The following NBPF20 variants were observed in gnomAD, a reference collection of about 807,000 sequenced individuals.
NBPF20 encodes NBPF member 20, also known as NBPF family member NBPF20.
NBPF20 carries 90 observed loss-of-function variants against 68.1 expected under a neutral mutation model. The ratio of observed to expected loss-of-function variants is 1.32; its 90% CI spans 1.11 to 1.58. The LOEUF (loss-of-function observed/expected upper bound fraction) is 1.58. Ranked by LOEUF, NBPF20 falls within the 40% of genes most tolerant of loss-of-function variation. The probability of loss-of-function intolerance (pLI) is 0.00; values close to 1 mark genes in which losing one functional copy is unlikely to be tolerated. For missense variants in NBPF20, 816 were observed against 601.2 expected (o/e 1.36, Z -3.74); for synonymous variants, 290 against 228.1 (o/e 1.27, Z -2.45).
At chr1:145,291,431 T>C (rs1332744828) in exon 138 of NBPF20, 1 of 1,610,080 alleles carries the variant, frequency 6.2e-7, no homozygotes, top group Non-Finnish European at 8.5e-7. Context: ...ATCCTATGTC[T>C]GGGCTTCCAA....
At chr1:145,404,357 C>G (rs1194094412) in intron 2 of NBPF20, among the ~76,000 whole-genome samples, 1 of 151,882 alleles carries the variant, frequency 6.6e-6, no homozygotes, top group Non-Finnish European at 1.5e-5. Context: ...CTGCTGGGTT[C>G]AAAGGATTCT....
intron 8 of NBPF20, among the ~76,000 whole-genome samples, chr1:145,394,758 CG>C (rs1289163301): frequency 6.6e-6 from 1 of 152,028 alleles, no homozygotes; most frequent in African/African-American, 2.4e-5. Context: ...CAGGTTGGCA[CG>C]GGCATGGCCT....
At chr1:145,396,651 C>T (rs1291469927) in intron 7 of NBPF20, among the ~76,000 whole-genome samples, 1 of 151,450 alleles carries the variant, frequency 6.6e-6, no homozygotes, top group Non-Finnish European at 1.5e-5. Flanking sequence ...AGCAGCAGAT[C>T]TCTTGGCACA....
intron 129 of NBPF20, among the ~76,000 whole-genome samples, chr1:145,298,442 A>T (rs1661348914): frequency 7.3e-6 from 1 of 136,072 alleles, no homozygotes; most frequent in African/African-American, 3.1e-5. Flanking sequence ...ATGAGGGAGT[A>T]ACAGGACACT....
chr1:145,397,825 G>C (rs1403973444), intron 7 of NBPF20, among the ~76,000 whole-genome samples: 5 of 152,180 alleles, frequency 3.3e-5, no homozygotes, highest in Non-Finnish European at 7.3e-5. Flanking sequence ...TCAGTGTGCT[G>C]TACTCAGGAA....
the NBPF20 span, among the ~76,000 whole-genome samples, chr1:145,411,378 T>G: frequency 6.7e-6 from 1 of 149,572 alleles, no homozygotes; most frequent in African/African-American, 2.5e-5. Flanking sequence ...ATAAATTTTG[T>G]TGACTTTCCT....
At chr1:145,410,738 GTATA>G in the NBPF20 span, among the ~76,000 whole-genome samples, 8 of 134,684 alleles carry the variant, frequency 5.9e-5, no homozygotes, top group Admixed American at 2.3e-4. Flanking sequence ...GCCTGTCTGT[GTATA>G]TATATATACA....
In NBPF20 at chr1:145,342,780, C is replaced by G. The variant is rs1571350279; in HGVS notation, c.8814-221G>C. ...AGACACACACACACACACACACACACACACACACACACACAGACACACACA... is the reference window on the plus strand; with the variant it reads ...AGACACACACACACACACACACACAGACACACACACACACAGACACACACA... On this transcript the variant is annotated intron_variant, in intron 73 of 137. Coordinates refer to ENST00000369373, the Ensembl canonical transcript of NBPF20. Among the ~76,000 whole-genome samples the G allele has an allele frequency of 3.4e-5, 4 of 116,490 alleles. 1 individual carries two copies. Among genetic ancestry groups the G allele is most frequent in the East Asian group, 5.0e-4 (2 of 3,986 alleles). 76.4% of individuals were successfully genotyped at this position (116,490 alleles called of 152,430 possible).
chr1:145,397,296 G>A (rs1413956126), intron 7 of NBPF20, among the ~76,000 whole-genome samples: 2 of 152,080 alleles, frequency 1.3e-5, no homozygotes, highest in African/African-American at 2.4e-5. Flanking sequence ...TAATGGGATG[G>A]CTGGGTCAAA....
chr1:145,421,924 G>A, the NBPF20 span, among the ~76,000 whole-genome samples: 1 of 152,018 alleles, frequency 6.6e-6, no homozygotes, highest in African/African-American at 2.4e-5. Context: ...TGTAGACCCA[G>A]CTACTAAGGA....
At chr1:145,424,666 C>CT in the NBPF20 span, among the ~76,000 whole-genome samples, 1 of 152,168 alleles carries the variant, frequency 6.6e-6, no homozygotes, top group African/African-American at 2.4e-5. Flanking sequence ...TTGGTTAACT[C>CT]TTCGGAGAAA....
At chr1:145,395,211 G>A in intron 7 of NBPF20, 70 bp from the exon 13 acceptor site, 1 of 904,398 alleles carries the variant, frequency 1.1e-6, no homozygotes, top group Non-Finnish European at 1.8e-6. Flanking sequence ...AAACCTCCCA[G>A]ATGATCTGAT....
At chr1:145,415,136 T>G in the NBPF20 span, among the ~76,000 whole-genome samples, 2 of 151,700 alleles carry the variant, frequency 1.3e-5, no homozygotes, top group Non-Finnish European at 2.9e-5. Context: ...GGTAAACACG[T>G]GAACAAATGT....
At chr1:145,409,575 C>G (rs1396011701), upstream of NBPF20, among the ~76,000 whole-genome samples, 3 of 144,330 alleles carry the variant, frequency 2.1e-5, no homozygotes, top group African/African-American at 7.7e-5. Context: ...TAGTATTAAA[C>G]GAGTTTTATT....
the NBPF20 span, among the ~76,000 whole-genome samples, chr1:145,421,932 G>A: frequency 6.6e-6 from 1 of 152,064 alleles, no homozygotes; most frequent in East Asian, 1.9e-4. Context: ...CAGCTACTAA[G>A]GAAGCTGAGG....
chr1:145,393,458 A>AACACACACACACACACACAAAC (rs1553662681), intron 9 of NBPF20, among the ~76,000 whole-genome samples: 1 of 145,160 alleles, frequency 6.9e-6, no homozygotes, highest in Non-Finnish European at 1.5e-5. Context: ...CACACACACA[A>AACACACACACACACACACAAAC]ACACACACAC....
At chr1:145,291,322 G>C (rs587606651) in exon 138 of NBPF20, 190 of 775,868 alleles carry the variant, frequency 2.4e-4, no homozygotes, top group Non-Finnish European at 2.5e-4. Flanking sequence ...ACAGTTATGT[G>C]AACGTGTCAC....
chr1:145,352,308 C>A (rs1437133995), intron 61 of NBPF20, among the ~76,000 whole-genome samples: 65 of 90,542 alleles, frequency 7.2e-4, no homozygotes, highest in African/African-American at 2.3e-3. Flanking sequence ...CACACACACA[C>A]ACACACACAC....
At chr1:145,291,726 G>T in exon 138 of NBPF20, 1 of 1,611,942 alleles carries the variant, frequency 6.2e-7, no homozygotes, top group Non-Finnish European at 8.5e-7. Flanking sequence ...AGTGAGTCCT[G>T]TAAGACTTCA....
Sources: gnomAD v4.1 joint callset for allele counts (sites outside exome capture counted in the v4.1 genomes callset) on GRCh38, gnomAD v4.1.1 for gene constraint, MANE v1.5 for transcripts, NCBI Gene and HGNC (gene_info 2026-07-23, HGNC 2026-07-21) for gene names.